Variants in PTPRK observed in about 807,000 individuals in gnomAD.
PTPRK encodes receptor-type tyrosine-protein phosphatase kappa.
Under a neutral mutation model 178.0 loss-of-function variants are expected in PTPRK, and 75 were observed. The observed-to-expected ratio is 0.42, with a 90% CI of 0.35 to 0.51. PTPRK has a LOEUF of 0.51. Among genes scored for constraint, PTPRK ranks in the 20% least tolerant of loss-of-function variants. The probability of loss-of-function intolerance (pLI) is 0.02; values close to 1 mark genes in which losing one functional copy is unlikely to be tolerated. For synonymous variants in PTPRK, 637 were observed against 620.6 expected (o/e 1.03, Z -0.39); for missense variants, 1,441 against 1,797.8 (o/e 0.80, Z 3.59).
At chr6:128,297,178 T>A (rs1195775223) in intron 3 of PTPRK, among the ~76,000 whole-genome samples, 2 of 151,910 alleles carry the variant, frequency 1.3e-5, no homozygotes, top group African/African-American at 2.4e-5. Context: ...GAGCTAACTA[T>A]CCTAAATATA....
chr6:128,418,814 T>C (rs990217137), intron 1 of PTPRK, among the ~76,000 whole-genome samples: 1 of 152,196 alleles, frequency 6.6e-6, no homozygotes, highest in African/African-American at 2.4e-5. Context: ...AGGGTGTCTC[T>C]GACATTATCT....
intron 6 of PTPRK, among the ~76,000 whole-genome samples, chr6:128,201,652 A>T (rs1367146780): frequency 1.3e-5 from 2 of 152,092 alleles, no homozygotes; most frequent in Non-Finnish European, 2.9e-5. Context: ...TGAAGCCAGG[A>T]TTTCAAGAAT....
At chr6:128,416,513 G>A (rs1328564386) in intron 1 of PTPRK, among the ~76,000 whole-genome samples, 2 of 151,800 alleles carry the variant, frequency 1.3e-5, no homozygotes, top group Admixed American at 6.6e-5. Context: ...CGGGTGTGGT[G>A]GCTGGCGCCT....
chr6:128,171,974 G>T (rs1246142556), intron 7 of PTPRK, among the ~76,000 whole-genome samples: 1 of 151,804 alleles, frequency 6.6e-6, no homozygotes, highest in Non-Finnish European at 1.5e-5. Flanking sequence ...AAAAATAAGG[G>T]ATTGATCAAC....
chr6:128,220,508 T>C (rs1018797766), intron 5 of PTPRK, among the ~76,000 whole-genome samples: 2 of 152,180 alleles, frequency 1.3e-5, no homozygotes, highest in African/African-American at 2.4e-5. Flanking sequence ...TATCACTTCA[T>C]AGGGCTATAT....
chr6:128,493,528 C>T (rs1356729884), intron 1 of PTPRK, among the ~76,000 whole-genome samples: 1 of 150,522 alleles, frequency 6.6e-6, no homozygotes, highest in Non-Finnish European at 1.5e-5. Flanking sequence ...TGCCACTGCG[C>T]TCCAGCTGGG....
At chr6:128,298,930 G>A (rs1825016234) in intron 3 of PTPRK, among the ~76,000 whole-genome samples, 3 of 152,152 alleles carry the variant, frequency 2.0e-5, no homozygotes, top group Admixed American at 6.5e-5. Context: ...AAGTCAAATT[G>A]TCCCTGTTTG....
At chr6:128,250,426 C>G (rs187208773) in intron 3 of PTPRK, among the ~76,000 whole-genome samples, 3 of 152,198 alleles carry the variant, frequency 2.0e-5, no homozygotes. Context: ...TTCCTCACAA[C>G]ATCATTGAAC....
chr6:128,334,932 A>G (rs1830720733), intron 2 of PTPRK, among the ~76,000 whole-genome samples: 1 of 152,106 alleles, frequency 6.6e-6, no homozygotes, highest in Non-Finnish European at 1.5e-5. Context: ...TACTAAAAAT[A>G]CAAAAATTAG....
rs1777633563 is a variant in PTPRK, at chr6:128,000,131, GTCATAC to G, written c.2495-1233_2495-1228del. 4.0e-6 allele frequency: 4 copies of G among 990,504 alleles called. No homozygotes were observed. In the African/African-American group the frequency reaches 7.1e-5, roughly 18 times the overall value. 61.4% of individuals were successfully genotyped at this position (990,504 alleles called of 1,614,324 possible). ...GTGTTACTTTGAAAAGCATTATACC[GTCATAC>G]TCATTAACAGAAGAGAAAATACACT... On this transcript the variant is annotated intron_variant, in intron 15 of 29. Coordinates refer to ENST00000368226, the MANE Select transcript of PTPRK (RefSeq NM_002844.4).
chr6:128,206,188 T>C (rs1806924877), intron 6 of PTPRK, among the ~76,000 whole-genome samples: 1 of 151,832 alleles, frequency 6.6e-6, no homozygotes, highest in Non-Finnish European at 1.5e-5. Context: ...TCAATGAATA[T>C]ATAGGGTTTT....
At chr6:128,093,066 G>T (rs1046745971) in intron 7 of PTPRK, among the ~76,000 whole-genome samples, 1 of 152,078 alleles carries the variant, frequency 6.6e-6, no homozygotes, top group African/African-American at 2.4e-5. Flanking sequence ...AACCATAATG[G>T]TGGTGAAACA....
At chr6:128,299,525 T>C (rs1396114596) in intron 3 of PTPRK, among the ~76,000 whole-genome samples, 1 of 150,950 alleles carries the variant, frequency 6.6e-6, no homozygotes. Flanking sequence ...AAAACAGAGA[T>C]ATAGATCAAT....
At chr6:127,975,029 A>G (rs1018686002) in intron 27 of PTPRK, among the ~76,000 whole-genome samples, 12 of 152,186 alleles carry the variant, frequency 7.9e-5, no homozygotes, top group African/African-American at 2.9e-4. Flanking sequence ...TTGTTGGTAC[A>G]TGTTAAATGT....
chr6:128,366,777 A>G (rs946901644), intron 2 of PTPRK, among the ~76,000 whole-genome samples: 1 of 152,182 alleles, frequency 6.6e-6, no homozygotes, highest in African/African-American at 2.4e-5. Context: ...GTGTGGGTTC[A>G]TGAAACATAA....
intron 7 of PTPRK, among the ~76,000 whole-genome samples, chr6:128,142,759 A>G (rs1795956583): frequency 6.6e-6 from 1 of 151,998 alleles, no homozygotes; most frequent in South Asian, 2.1e-4. Context: ...ATAAGGAGTG[A>G]CTGTCCTTCT....
intron 1 of PTPRK, among the ~76,000 whole-genome samples, chr6:128,477,610 T>A (rs1851531499): frequency 6.6e-6 from 1 of 152,158 alleles, no homozygotes; most frequent in Admixed American, 6.6e-5. Context: ...AAAAGCTAAA[T>A]TTCAAGAATA....
At chr6:128,492,564 A>G (rs1034804714) in intron 1 of PTPRK, among the ~76,000 whole-genome samples, 6 of 152,210 alleles carry the variant, frequency 3.9e-5, no homozygotes, top group African/African-American at 1.4e-4. Flanking sequence ...GAGAAGCTGT[A>G]ACATGGAGAC....
At chr6:128,272,644 C>CT (rs1172256741) in intron 3 of PTPRK, among the ~76,000 whole-genome samples, 3 of 152,232 alleles carry the variant, frequency 2.0e-5, no homozygotes, top group Admixed American at 1.3e-4. Flanking sequence ...AAATGCAAAT[C>CT]AAAACCTCAA....
Sources: gnomAD v4.1 joint callset for allele counts (sites outside exome capture counted in the v4.1 genomes callset) on GRCh38, gnomAD v4.1.1 for gene constraint, MANE v1.5 for transcripts, NCBI Gene and HGNC (gene_info 2026-07-23, HGNC 2026-07-21) for gene names.